Variants in WSCD2 observed in about 807,000 individuals in gnomAD.
WSCD2 encodes sialate:O-sulfotransferase 2.
In WSCD2, 28 loss-of-function variants were observed where a neutral mutation model predicts 55.7. The observed-to-expected ratio is 0.50, with a 90% CI of 0.37 to 0.69. The LOEUF is 0.69. WSCD2 is among the 30% of genes least tolerant of loss of function. WSCD2 has a pLI of 0.00. For synonymous variants in WSCD2, 301 were observed against 301.9 expected, an observed-to-expected ratio of 1.00 and a Z score of 0.03; for missense variants, 616 against 762.1, an observed-to-expected ratio of 0.81 and a Z score of 2.26.
chr12:108,181,670 A>T (rs1217585948), intron 1 of WSCD2, among the ~76,000 whole-genome samples: 1 of 152,224 alleles, frequency 6.6e-6, no homozygotes, highest in Admixed American at 6.5e-5. Flanking sequence ...GTGTGATGGC[A>T]TGATCATAGC....
At position 108,248,530 on chromosome 12, in the gene WSCD2, C is replaced by T. The variant is rs1890245914; in HGVS notation, c.*187C>T. On this transcript the variant is annotated 3_prime_UTR_variant, in exon 9 of 9. Coordinates refer to ENST00000547525, the MANE Select transcript of WSCD2 (RefSeq NM_014653.4). This position sits in a 1 kb window ranked among gnomAD's most constrained non-coding sequence, Gnocchi z 4.3. ...CTCAAGGGAAGAGATTGCCCAGGCA[C>T]TACCACTCTGCTCACATGTTCCCCC... 1.4e-6 allele frequency: 2 copies of T among 1,414,870 alleles called. No individual in the cohort carries two copies. Among genetic ancestry groups the T allele is most frequent in the Admixed American group, 2.9e-5 (1 of 34,454 alleles). 87.6% of individuals were successfully genotyped at this position (1,414,870 alleles called of 1,614,324 possible).
chr12:108,148,146 C>CCT (rs1388223603), intron 1 of WSCD2, among the ~76,000 whole-genome samples: 6 of 152,174 alleles, frequency 3.9e-5, no homozygotes, highest in Non-Finnish European at 7.3e-5. Flanking sequence ...GGCGTGGGGC[C>CCT]GACCTGTGCA....
At position 108,208,419 on chromosome 12, in the gene WSCD2, G is replaced by A. The variant is rs532789844; in HGVS notation, c.498-1702G>A. ...AAGTATAATGGGTGCTGGGGTGGAT[G>A]TGCTTTGCAAGGTGCAGGAAAGTCA... On this transcript the variant is annotated intron_variant, in intron 3 of 8. Transcript: ENST00000547525. Among the ~76,000 whole-genome samples the A allele has an allele frequency of 6.6e-5, 10 of 152,330 alleles. 2 individuals are homozygous for A. In the South Asian group the frequency reaches 2.1e-3, roughly 32 times the overall value.
At position 108,196,038 on chromosome 12, in the gene WSCD2, A is replaced by T. The variant is rs759121769; in HGVS notation, c.206A>T (p.Asp69Val). 54 of 1,614,028 alleles carry T rather than the reference A, an allele frequency of 3.3e-5. No homozygotes were observed. The highest frequency in any genetic ancestry group is 5.0e-5 in the Admixed American group (3 of 60,002). Residue 69 changes from aspartate to valine, a missense_variant, in exon 2 of 9, where the codon GAC (aspartate) becomes GTC (valine). Around this residue, in one of 3 missense-constraint regions of WSCD2, gnomAD observed 374 missense variants for 467.4 expected, o/e 0.80. Transcript: ENST00000547525. ...GGTGCTGAGCTGTCCTTCTTGGGTG[A>T]CATGCATCTGGGCAGAGGTTTCCGG... is the stretch of plus-strand genomic sequence containing the variant. ...AEGAELSFLGDMHLGRGFRDT... is the reference protein window; with the variant it reads ...AEGAELSFLGVMHLGRGFRDT...
intron 1 of WSCD2, among the ~76,000 whole-genome samples, chr12:108,166,779 T>TTCTTTCTTTCTTTCTTTCTG (rs1469140178): frequency 6.7e-6 from 1 of 148,642 alleles, no homozygotes; most frequent in African/African-American, 2.5e-5. Context: ...CTTTCTTTCT[T>TTCTTTCTTTCTTTCTTTCTG]TCTTTCTTTC....
intron 1 of WSCD2, among the ~76,000 whole-genome samples, chr12:108,163,722 G>T (rs561847877): frequency 6.6e-6 from 1 of 152,182 alleles, no homozygotes; most frequent in Non-Finnish European, 1.5e-5. Context: ...AGGAGCCAAG[G>T]CATGCAGGCA....
At chr12:108,133,484 G>A (rs954170284) in intron 1 of WSCD2, among the ~76,000 whole-genome samples, 1 of 152,198 alleles carries the variant, frequency 6.6e-6, no homozygotes, top group Non-Finnish European at 1.5e-5. Flanking sequence ...CTGAGGGTGT[G>A]TCTGAGTGTC....
In WSCD2 at chr12:108,240,491, G is replaced by T. The variant is rs749320126; in HGVS notation, c.1292G>T (p.Arg431Leu). The change falls in exon 8 of 9, where the codon CGC becomes CTC. Residue 431 changes from arginine (R) to leucine (L), a missense_variant. By Grantham distance (102) the Arg-to-Leu change is moderately radical. Around this residue, in one of 3 missense-constraint regions of WSCD2, gnomAD observed 234 missense variants for 264.6 expected, o/e 0.88. Transcript: ENST00000547525. ...PYKALMAEFN[R>L]KYGGHIGFAA... is the part of the protein sequence containing the mutation. ...AAAGCCCTCATGGCTGAGTTCAACC[G>T]CAAGTACGGCGGCCACATAGGCTTT... 10 of 1,612,876 alleles carry T rather than the reference G, an allele frequency of 6.2e-6. No individual in the cohort carries two copies. Among genetic ancestry groups the T allele is most frequent in the Non-Finnish European group, 6.8e-6 (8 of 1,179,796 alleles).
chr12:108,187,738 C>G (rs886179944), intron 1 of WSCD2, among the ~76,000 whole-genome samples: 1 of 152,166 alleles, frequency 6.6e-6, no homozygotes, highest in African/African-American at 2.4e-5. Context: ...CCTACCTTTC[C>G]AATGAGGCAG....
chr12:108,145,743 A>G (rs1005261280), intron 1 of WSCD2, among the ~76,000 whole-genome samples: 1 of 152,236 alleles, frequency 6.6e-6, no homozygotes, highest in African/African-American at 2.4e-5. Flanking sequence ...GGTAGAATAG[A>G]TAAGTAAAAT....
At chr12:108,174,739 T>C (rs772467568) in intron 1 of WSCD2, among the ~76,000 whole-genome samples, 4 of 152,222 alleles carry the variant, frequency 2.6e-5, no homozygotes, top group Non-Finnish European at 5.9e-5. Context: ...CTCAGCCTCA[T>C]GAGTAGCTAG....
rs138217652 is a variant in WSCD2, at chr12:108,190,433, A to C, written c.-551-4849A>C. Among the ~76,000 whole-genome samples the C allele has an allele frequency of 2.8e-3, 431 of 152,248 alleles. 2 individuals are homozygous for C. Among genetic ancestry groups the C allele is most frequent in the African/African-American group, 9.6e-3 (398 of 41,538 alleles). ...CCCTCCGAACTGCCTCTGCCCCCCA[A>C]GTCAGGTGCTGGGGATTACAGAGAG... On this transcript the variant is annotated intron_variant, in intron 1 of 8. Transcript: ENST00000547525.
rs577891915 is a variant in WSCD2 at position 108,225,777 on chromosome 12, C to G, written c.804+917C>G. Among the ~76,000 whole-genome samples, 10 of 152,290 alleles carry G rather than the reference C, an allele frequency of 6.6e-5. No homozygotes were observed. The East Asian group carries it at 1.9e-3, about 29-fold the overall frequency. On this transcript the variant is annotated intron_variant, in intron 5 of 8. Transcript: ENST00000547525. Reference sequence around the variant, plus strand: ...CCCCTTCAATACCCCCAGCACAGAACTGGGCACATAACTGGCACTCAGCGA... The same window carrying G: ...CCCCTTCAATACCCCCAGCACAGAAGTGGGCACATAACTGGCACTCAGCGA...
At chr12:108,200,489 T>A (rs895762248) in intron 2 of WSCD2, among the ~76,000 whole-genome samples, 6 of 151,922 alleles carry the variant, frequency 3.9e-5, no homozygotes, top group Non-Finnish European at 7.4e-5. Context: ...TCATTTATTC[T>A]TTCATTCATT....
intron 4 of WSCD2, among the ~76,000 whole-genome samples, chr12:108,220,436 G>A (rs1046076844): frequency 1.3e-5 from 2 of 152,328 alleles, no homozygotes; most frequent in African/African-American, 2.4e-5. Flanking sequence ...CAGGGTGAAT[G>A]GGAGAGTTCA....
At chr12:108,191,219 G>GT in intron 1 of WSCD2, among the ~76,000 whole-genome samples, 1 of 152,350 alleles carries the variant, frequency 6.6e-6, no homozygotes, top group Non-Finnish European at 1.5e-5. Flanking sequence ...ATGGGAGAAC[G>GT]TATTTGTAAA....
chr12:108,218,519 C>T (rs1887107452), intron 4 of WSCD2, among the ~76,000 whole-genome samples: 1 of 152,150 alleles, frequency 6.6e-6, no homozygotes, highest in African/African-American at 2.4e-5. Context: ...TGGACTGAGC[C>T]CAAAAGATGG....
chr12:108,177,358 G>T (rs949851536), intron 1 of WSCD2, among the ~76,000 whole-genome samples: 2 of 152,078 alleles, frequency 1.3e-5, no homozygotes. Flanking sequence ...GTTAGAAGTC[G>T]CCGTGATTAT....
chr12:108,204,590 C>T (rs574426681), intron 2 of WSCD2, among the ~76,000 whole-genome samples: 23 of 152,300 alleles, frequency 1.5e-4, no homozygotes, highest in Admixed American at 3.9e-4. Context: ...GAGGGGCGCG[C>T]GCTGTTGAAC....
Sources: allele counts gnomAD v4.1 joint callset (sites outside exome capture counted in the v4.1 genomes callset), GRCh38; gene constraint gnomAD v4.1.1; regional missense constraint gnomAD v4.1.1; non-coding constraint Gnocchi (gnomAD v3.1); transcripts MANE v1.5; gene names NCBI Gene and HGNC (gene_info 2026-07-23, HGNC 2026-07-21).